Variants in TRPM3 observed in about 807,000 individuals in gnomAD.
TRPM3 encodes the protein transient receptor potential cation channel subfamily M member 3, also known as long transient receptor potential channel 3.
A neutral mutation model predicts 181.2 loss-of-function variants in TRPM3; 77 were observed. The observed-to-expected ratio is 0.42, with a 90% CI of 0.35 to 0.51. The LOEUF (loss-of-function observed/expected upper bound fraction) is 0.51, where lower values mean the gene tolerates loss of function less well. TRPM3 is among the 20% of genes least tolerant of loss of function. The pLI is 0.01. For missense variants in TRPM3, 1,759 were observed against 2,196.7 expected, an observed-to-expected ratio of 0.80 and a Z score of 3.98; for synonymous variants, 745 against 796.4, an observed-to-expected ratio of 0.94 and a Z score of 1.09.
intron 3 of TRPM3, among the ~76,000 whole-genome samples, chr9:70,852,317 C>T (rs534310944): frequency 1.3e-5 from 2 of 151,988 alleles, no homozygotes; most frequent in South Asian, 2.1e-4. Context: ...CACGTTTTAC[C>T]GATGGGAACA....
At chr9:70,610,990 T>A (rs2061917537) in intron 18 of TRPM3, among the ~76,000 whole-genome samples, 1 of 152,152 alleles carries the variant, frequency 6.6e-6, no homozygotes, top group African/African-American at 2.4e-5. Context: ...TCTTCCACCC[T>A]GGGAATTCTA....
At chr9:71,202,756 T>A (rs1398377268) in intron 1 of TRPM3, among the ~76,000 whole-genome samples, 1 of 152,156 alleles carries the variant, frequency 6.6e-6, no homozygotes, top group Non-Finnish European at 1.5e-5. Flanking sequence ...ATGCCAACTA[T>A]GTCACTTATA....
In TRPM3 at chr9:71,275,653, A is replaced by G. The variant is rs140307014; in HGVS notation, c.183+171000T>C. On this transcript the variant is annotated intron_variant, in intron 1 of 24. Transcript: ENST00000357533. ...TAATGTCATGGGACTTGACTACCAG[A>G]TAGCAAACTTCAATTATAAAGCCAT... Among the ~76,000 whole-genome samples, 229 of 152,300 alleles carry G rather than the reference A, an allele frequency of 1.5e-3. 1 individual carries two copies. Among genetic ancestry groups the G allele is most frequent in the African/African-American group, 5.4e-3 (224 of 41,558 alleles).
chr9:70,779,886 A>G (rs1241573588), intron 7 of TRPM3, among the ~76,000 whole-genome samples: 1 of 151,828 alleles, frequency 6.6e-6, no homozygotes, highest in African/African-American at 2.4e-5. Flanking sequence ...TGCCAATGAG[A>G]AAAAAAATGG....
upstream of TRPM3, among the ~76,000 whole-genome samples, chr9:71,121,996 G>A (rs187212733): frequency 6.6e-6 from 1 of 152,296 alleles, no homozygotes; most frequent in East Asian, 1.9e-4. Flanking sequence ...CTGATAATCG[G>A]TTGCATAGAT....
chr9:70,907,455 T>C (rs1016406760), intron 1 of TRPM3, among the ~76,000 whole-genome samples: 2 of 152,242 alleles, frequency 1.3e-5, no homozygotes, highest in African/African-American at 2.4e-5. Flanking sequence ...AAGGCTGTGA[T>C]ATGCTTTAGG....
chr9:70,913,082 T>C (rs2096554866), intron 1 of TRPM3, among the ~76,000 whole-genome samples: 1 of 152,206 alleles, frequency 6.6e-6, no homozygotes, highest in Non-Finnish European at 1.5e-5. Context: ...AGAACAGGGC[T>C]TGTATGTACC....
chr9:71,379,544 C>T (rs1047762113), intron 1 of TRPM3, among the ~76,000 whole-genome samples: 6 of 151,964 alleles, frequency 3.9e-5, no homozygotes, highest in African/African-American at 1.4e-4. Context: ...AGATTAGCAT[C>T]ACTTACAGAG....
At chr9:70,959,451 A>G (rs1330856967) in intron 1 of TRPM3, among the ~76,000 whole-genome samples, 1 of 152,024 alleles carries the variant, frequency 6.6e-6, no homozygotes, top group Non-Finnish European at 1.5e-5. Flanking sequence ...TCACTTTAAC[A>G]AAGAGAAAAA....
At chr9:70,944,318 C>T (rs2096912605) in intron 1 of TRPM3, among the ~76,000 whole-genome samples, 1 of 152,164 alleles carries the variant, frequency 6.6e-6, no homozygotes, top group Non-Finnish European at 1.5e-5. Context: ...CAATGAGAAA[C>T]AGTCTTGAAG....
chr9:71,385,353 T>C lies in TRPM3; in HGVS notation c.183+61300A>G, dbSNP rs1254998196. Among the ~76,000 whole-genome samples the C allele has an allele frequency of 5.3e-5, 8 of 152,348 alleles. No homozygotes were observed. In the South Asian group the frequency reaches 1.0e-3, roughly 20 times the overall value. ...AATTTGGTACCCAGCATGATCTATA[T>C]GCATAAATCTAAAACTAGCAACTCA... is the stretch of plus-strand genomic sequence containing the variant. On this transcript the variant is annotated intron_variant, in intron 1 of 24. Coordinates refer to the TRPM3 transcript ENST00000357533.
chr9:70,635,273 A>C lies in TRPM3; in HGVS notation c.1582-12T>G, dbSNP rs1589604809. 1.9e-5 allele frequency: 31 copies of C among 1,613,542 alleles called. No individual in the cohort carries two copies. The East Asian group carries it at 6.9e-4, about 36-fold the overall frequency. ...GAGGGCCCATGTCTCTGAAAACAAT[A>C]AAGAAGAATCAAACAGTTTTGCTAG... On this transcript the variant is annotated splice_polypyrimidine_tract_variant and intron_variant, in intron 11 of 25. Coordinates refer to ENST00000677713, the MANE Select transcript of TRPM3 (RefSeq NM_001366145.2).
intron 1 of TRPM3, among the ~76,000 whole-genome samples, chr9:70,976,571 T>A (rs1342725321): frequency 6.6e-6 from 1 of 152,226 alleles, no homozygotes; most frequent in African/African-American, 2.4e-5. Context: ...ACACTACAAT[T>A]TAAGAACGTA....
chr9:71,096,560 G>GCACACACACACACA (rs35388140), intron 1 of TRPM3, among the ~76,000 whole-genome samples: 2 of 78,374 alleles, frequency 2.6e-5, no homozygotes, highest in African/African-American at 1.4e-4. Context: ...GTGAGCGCAT[G>GCACACACACACACA]CACACACACA....
chr9:71,420,985 A>AAAAGAGAGAGAAAAAGAGAGAG (rs2093756496), intron 1 of TRPM3, among the ~76,000 whole-genome samples: 1 of 99,704 alleles, frequency 1.0e-5, no homozygotes, highest in African/African-American at 4.7e-5. Context: ...AAGAGAGAGA[A>AAAAGAGAGAGAAAAAGAGAGAG]AAAGAGAGAG....
intron 7 of TRPM3, among the ~76,000 whole-genome samples, chr9:70,766,870 G>T (rs1450591828): frequency 6.6e-6 from 1 of 152,218 alleles, no homozygotes; most frequent in East Asian, 1.9e-4. Context: ...GTGATCTTTT[G>T]TAAGTTAGTG....
At chr9:70,663,709 G>A (rs1312717716) in intron 9 of TRPM3, among the ~76,000 whole-genome samples, 1 of 152,138 alleles carries the variant, frequency 6.6e-6, no homozygotes, top group East Asian at 1.9e-4. Context: ...CAGGGATTAG[G>A]TAATTTATCT....
Position 70,622,167 on chromosome 9 carries a change from G to A in TRPM3, c.1810-894C>T, listed in dbSNP as rs115156563. 4.5e-3 allele frequency among the ~76,000 whole-genome samples: 680 copies of A among 152,204 alleles called. 5 individuals are homozygous for A. Among genetic ancestry groups the A allele is most frequent in the African/African-American group, 0.015 (618 of 41,522 alleles). The stretch of plus-strand genomic sequence containing the variant: ...TACTGGATGAGGACACAGTGACAAG[G>A]TGTCACTATGAATGAGGAAGCAGGC... On this transcript the variant is annotated intron_variant, in intron 14 of 25. Coordinates refer to ENST00000677713, the MANE Select transcript of TRPM3 (RefSeq NM_001366145.2).
intron 5 of TRPM3, among the ~76,000 whole-genome samples, chr9:70,840,446 GA>G (rs2094565620): frequency 6.6e-6 from 1 of 152,090 alleles, no homozygotes; most frequent in Admixed American, 6.6e-5. Context: ...GCCTTTACGA[GA>G]CCCTCGGGAA....
Sources: allele counts gnomAD v4.1 joint callset (sites outside exome capture counted in the v4.1 genomes callset), GRCh38; gene constraint gnomAD v4.1.1; transcripts MANE v1.5; gene names NCBI Gene and HGNC (gene_info 2026-07-23, HGNC 2026-07-21).